Variants in COL21A1 observed in about 807,000 individuals in gnomAD.
COL21A1 encodes the protein collagen type XXI alpha 1 chain.
COL21A1 carries 149 observed loss-of-function variants against 137.9 expected under a neutral mutation model. The ratio of observed to expected loss-of-function variants is 1.08; its 90% confidence interval spans 0.95 to 1.24. The LOEUF (loss-of-function observed/expected upper bound fraction) is 1.24, where lower values mean the gene tolerates loss of function less well. Ranked by LOEUF, COL21A1 falls within the 50% of genes most tolerant of loss-of-function variation. The pLI is 0.00. For missense variants in COL21A1, 1,167 were observed against 1,158.4 expected (o/e 1.01, Z -0.11); for synonymous variants, 456 against 391.5 (o/e 1.16, Z -1.95).
chr6:56,168,877 T>C (rs966701906), intron 5 of COL21A1, among the ~76,000 whole-genome samples: 2 of 151,912 alleles, frequency 1.3e-5, no homozygotes, highest in East Asian at 1.9e-4. Flanking sequence ...ATAACTACCA[T>C]GTCTACACTA....
intron 1 of COL21A1, among the ~76,000 whole-genome samples, chr6:56,385,720 C>G (rs1006359794): frequency 4.6e-5 from 7 of 151,926 alleles, no homozygotes; most frequent in African/African-American, 1.7e-4. Context: ...AGCCACTCCC[C>G]CTCCCTTCCT....
chr6:56,231,419 G>A (rs1459550108), intron 1 of COL21A1, among the ~76,000 whole-genome samples: 5 of 151,668 alleles, frequency 3.3e-5, no homozygotes, highest in Admixed American at 2.0e-4. Context: ...GCTAGGTGTG[G>A]GTAAAAGAGG....
At chr6:56,307,073 T>C (rs188324535) in intron 1 of COL21A1, among the ~76,000 whole-genome samples, 2 of 152,320 alleles carry the variant, frequency 1.3e-5, no homozygotes, top group African/African-American at 4.8e-5. Flanking sequence ...TTCCTGATCG[T>C]TCCTCTGGAA....
chr6:56,089,901 A>G (rs73457081), intron 17 of COL21A1, among the ~76,000 whole-genome samples: 4,393 of 152,298 alleles, frequency 0.029, 199 homozygotes, highest in African/African-American at 0.1. Context: ...AAAAAATCAA[A>G]TAAAATACGT....
At chr6:56,067,948 T>A (rs765590399) in intron 22 of COL21A1, among the ~76,000 whole-genome samples, 1 of 151,664 alleles carries the variant, frequency 6.6e-6, no homozygotes, top group Non-Finnish European at 1.5e-5. Flanking sequence ...GGTTTCCAAA[T>A]TTCCTTTCTA....
intron 1 of COL21A1, among the ~76,000 whole-genome samples, chr6:56,318,173 G>A (rs1054515420): frequency 4.6e-5 from 7 of 152,032 alleles, no homozygotes; most frequent in African/African-American, 1.4e-4. Context: ...AATGACCATG[G>A]TCCATCATTA....
chr6:56,286,763 A>C (rs1045405338), intron 1 of COL21A1, among the ~76,000 whole-genome samples: 5 of 152,282 alleles, frequency 3.3e-5, no homozygotes, highest in Non-Finnish European at 7.4e-5. Flanking sequence ...GTGATACTCA[A>C]AGCAGATAAT....
intron 1 of COL21A1, among the ~76,000 whole-genome samples, chr6:56,184,393 G>C (rs1778124039): frequency 1.3e-5 from 2 of 151,974 alleles, no homozygotes; most frequent in Non-Finnish European, 2.9e-5. Flanking sequence ...AATCCTAAAT[G>C]TGTAGACATC....
chr6:56,378,320 C>G (rs965747560), intron 1 of COL21A1, among the ~76,000 whole-genome samples: 8 of 152,080 alleles, frequency 5.3e-5, no homozygotes, highest in African/African-American at 1.9e-4. Flanking sequence ...ATTTCTGGAC[C>G]GCCCTGGGAT....
chr6:56,085,497 A>G (rs1487658969), intron 17 of COL21A1, among the ~76,000 whole-genome samples: 1 of 152,134 alleles, frequency 6.6e-6, no homozygotes, highest in African/African-American at 2.4e-5. Flanking sequence ...TTAACCAGAC[A>G]AATACATATT....
At chr6:56,221,107 A>T (rs1210757569) in intron 1 of COL21A1, among the ~76,000 whole-genome samples, 1 of 152,264 alleles carries the variant, frequency 6.6e-6, no homozygotes, top group African/African-American at 2.4e-5. Flanking sequence ...TTAACTCTTT[A>T]TTGTGGAGTC....
chr6:56,301,437 G>A (rs1453238721), intron 1 of COL21A1, among the ~76,000 whole-genome samples: 1 of 152,070 alleles, frequency 6.6e-6, no homozygotes, highest in Non-Finnish European at 1.5e-5. Context: ...CCAATACCTT[G>A]GTCTTAGCCC....
chr6:56,212,092 C>T (rs1323883926), intron 1 of COL21A1, among the ~76,000 whole-genome samples: 1 of 151,974 alleles, frequency 6.6e-6, no homozygotes, highest in African/African-American at 2.4e-5. Flanking sequence ...GAAGGGCAAG[C>T]AAGATTAGTG....
chr6:56,151,307 T>G (rs556348687), intron 10 of COL21A1, among the ~76,000 whole-genome samples: 2 of 152,246 alleles, frequency 1.3e-5, no homozygotes, highest in Admixed American at 6.5e-5. Flanking sequence ...AATATAAACT[T>G]CTATAAACTC....
chr6:56,105,449 C>T (rs12214662), intron 16 of COL21A1, among the ~76,000 whole-genome samples: 23,110 of 152,078 alleles, frequency 0.15, 1,788 homozygotes, highest in Middle Eastern at 0.22. Context: ...AATACTTGAA[C>T]TGCTATAGTT....
upstream of COL21A1, among the ~76,000 whole-genome samples, chr6:56,251,626 G>A (rs1782856907): frequency 6.6e-6 from 1 of 152,106 alleles, no homozygotes; most frequent in Non-Finnish European, 1.5e-5. Context: ...AAGTTATTTG[G>A]CATACTTTTT....
chr6:56,292,301 T>C (rs1764063889), intron 1 of COL21A1, among the ~76,000 whole-genome samples: 1 of 152,178 alleles, frequency 6.6e-6, no homozygotes. Context: ...TACAAACATC[T>C]TTTTCTTGGT....
At chr6:56,066,963 G>GTGTA (rs141084647) in intron 23 of COL21A1, among the ~76,000 whole-genome samples, 10,329 of 127,722 alleles carry the variant, frequency 0.081, 396 homozygotes, top group Middle Eastern at 0.12. Context: ...CTGTGTGTGT[G>GTGTA]TATATATATA....
intron 1 of COL21A1, among the ~76,000 whole-genome samples, chr6:56,218,734 C>CAGAG (rs1445354654): frequency 6.6e-6 from 1 of 152,206 alleles, no homozygotes; most frequent in Admixed American, 6.6e-5. Context: ...CTTAAAGCAG[C>CAGAG]AGAGACAACT....
Sources: allele counts gnomAD v4.1 joint callset (sites outside exome capture counted in the v4.1 genomes callset), GRCh38; gene constraint gnomAD v4.1.1; transcripts MANE v1.5; gene names NCBI Gene and HGNC (gene_info 2026-07-23, HGNC 2026-07-21).